Variants in CYTH3 observed in about 807,000 individuals in gnomAD.
CYTH3 encodes the protein cytohesin-3.
In CYTH3, 23 loss-of-function variants were observed where a neutral mutation model predicts 55.1. The ratio of observed to expected loss-of-function variants is 0.42; its 90% confidence interval spans 0.30 to 0.59. The LOEUF (loss-of-function observed/expected upper bound fraction) is 0.59, where lower values mean the gene tolerates loss of function less well. CYTH3 is among the 20% of genes least tolerant of loss of function. CYTH3 has a pLI of 0.20. For synonymous variants in CYTH3, 249 were observed against 194.9 expected, an observed-to-expected ratio of 1.28 and a Z score of -2.31; for missense variants, 413 against 524.8, an observed-to-expected ratio of 0.79 and a Z score of 2.08.
intron 1 of CYTH3, among the ~76,000 whole-genome samples, chr7:6,261,542 C>A (rs1020049710): frequency 6.6e-6 from 1 of 151,890 alleles, no homozygotes; most frequent in African/African-American, 2.4e-5. Context: ...TAGTGGGACC[C>A]TGGCTCTACA....
chr7:6,208,548 CT>C (rs11302819), intron 1 of CYTH3, among the ~76,000 whole-genome samples: 25,750 of 151,936 alleles, frequency 0.17, 5,425 homozygotes, highest in African/African-American at 0.5. Flanking sequence ...ATTTTCTTTT[CT>C]TTTTTTTGAG....
intron 1 of CYTH3, among the ~76,000 whole-genome samples, chr7:6,230,796 G>A (rs73675894): frequency 3.9e-5 from 6 of 152,220 alleles, no homozygotes; most frequent in Middle Eastern, 6.8e-3. Context: ...ATAAAATCCC[G>A]TATTTTGAAA....
chr7:6,195,989 G>C (rs1783915966), intron 1 of CYTH3, among the ~76,000 whole-genome samples: 2 of 152,284 alleles, frequency 1.3e-5, no homozygotes, highest in South Asian at 2.1e-4. Context: ...GATGTCATCG[G>C]TAACCCAGTC....
At chr7:6,228,530 G>A (rs1779306870) in intron 1 of CYTH3, among the ~76,000 whole-genome samples, 3 of 152,122 alleles carry the variant, frequency 2.0e-5, no homozygotes, top group Admixed American at 2.0e-4. Flanking sequence ...ATCCAGGCTG[G>A]AAGCAAAGAA....
chr7:6,171,420 G>C lies in CYTH3; in HGVS notation c.450-106C>G. Reference sequence around the variant, plus strand: ...GGAAGGACGTTTTCCTCCCGAGCCTGGGGTACAGCTCTGGCAGGGGCTTGG... The same window carrying C: ...GGAAGGACGTTTTCCTCCCGAGCCTCGGGTACAGCTCTGGCAGGGGCTTGG... On this transcript the variant is annotated intron_variant, in intron 6 of 12. Transcript: ENST00000350796. This position sits in a 1 kb window ranked among gnomAD's most constrained non-coding sequence, Gnocchi z 6.7. The C allele has an allele frequency of 1.0e-6, 1 of 975,752 alleles. No individual in the cohort carries two copies. Among genetic ancestry groups the C allele is most frequent in the Non-Finnish European group, 1.6e-6 (1 of 635,104 alleles). The allele number at this position is 975,752 out of a possible 1,614,324, so 60.4% of individuals were successfully genotyped here.
intron 1 of CYTH3, among the ~76,000 whole-genome samples, chr7:6,192,067 C>T (rs1783815138): frequency 6.6e-6 from 1 of 152,002 alleles, no homozygotes; most frequent in Non-Finnish European, 1.5e-5. Context: ...CACTGCACTC[C>T]AGTCTGGGCA....
chr7:6,263,122 C>T (rs1426106790), intron 1 of CYTH3, among the ~76,000 whole-genome samples: 1 of 152,170 alleles, frequency 6.6e-6, no homozygotes, highest in African/African-American at 2.4e-5. Context: ...AAAATACATT[C>T]CATCCCATAA....
At position 6,167,783 on chromosome 7, in the gene CYTH3, C is replaced by T. The variant is rs970476682; in HGVS notation, c.824-1973G>A. Among the ~76,000 whole-genome samples the T allele has an allele frequency of 7.2e-5, 11 of 152,258 alleles. No homozygotes were observed. Among genetic ancestry groups the T allele is most frequent in the African/African-American group, 1.7e-4 (7 of 41,470 alleles). On this transcript the variant is annotated intron_variant, in intron 9 of 12. Coordinates refer to ENST00000350796, the MANE Select transcript of CYTH3 (RefSeq NM_004227.4). The surrounding 1 kb of genome is among the most constrained non-coding windows in gnomAD (Gnocchi z 5.5). ...GTCCAGCGCCTGCTCTCTTCCTCCA[C>T]GCTCCCAGCATGGTGGACAGCAAAG...
chr7:6,197,405 G>A (rs971424977), intron 1 of CYTH3, among the ~76,000 whole-genome samples: 1 of 152,192 alleles, frequency 6.6e-6, no homozygotes, highest in South Asian at 2.1e-4. Flanking sequence ...AATTGAGGCT[G>A]AGCACAGTGG....
At position 6,203,713 on chromosome 7, in the gene CYTH3, C is replaced by A. The variant is rs74302796; in HGVS notation, c.35-13182G>T. Among the ~76,000 whole-genome samples the A allele has an allele frequency of 5.4e-3, 818 of 151,996 alleles. 41 individuals are homozygous for A. The East Asian group carries it at 0.11, about 21-fold the overall frequency. On this transcript the variant is annotated intron_variant, in intron 1 of 12. Transcript: ENST00000350796. ...AATACCTTGACCAACTTACTGTACTCATATTCCACCTTTTTTTTTTTTGGA... is the reference window on the plus strand; with the variant it reads ...AATACCTTGACCAACTTACTGTACTAATATTCCACCTTTTTTTTTTTTGGA...
At chr7:6,216,623 C>T (rs1040066074) in intron 1 of CYTH3, among the ~76,000 whole-genome samples, 7 of 151,656 alleles carry the variant, frequency 4.6e-5, no homozygotes, top group Admixed American at 4.6e-4. Flanking sequence ...CACCTATGGT[C>T]CCAGCTACAC....
rs775083358 is a variant in CYTH3, at chr7:6,171,024, AC to A, written c.563-47del. ...TGGGCTCAGCCAGAACCTCCAGTGG[AC>A]AGTGGGACCCCGCGTGCTGGGGGCC... On this transcript the variant is annotated intron_variant, in intron 7 of 12. Coordinates refer to ENST00000350796, the MANE Select transcript of CYTH3 (RefSeq NM_004227.4). This position sits in a 1 kb window ranked among gnomAD's most constrained non-coding sequence, Gnocchi z 6.7. The A allele has an allele frequency of 6.2e-7, 1 of 1,610,622 alleles. No individual in the cohort carries two copies. The highest frequency in any genetic ancestry group is 8.5e-7 in the Non-Finnish European group (1 of 1,178,652).
Position 6,165,340 on chromosome 7 carries a change from T to G in CYTH3, c.1060A>C (p.Asn354His), listed in dbSNP as rs1431386074. 1 of 1,614,024 alleles carries G rather than the reference T, an allele frequency of 6.2e-7. No homozygotes were observed. The highest frequency in any genetic ancestry group is 8.5e-7 in the Non-Finnish European group (1 of 1,180,048). Residue 354 changes from asparagine (N) to histidine (H), a missense_variant, in exon 12 of 13, where the codon AAC becomes CAC. Physicochemically the swap from Asn to His is moderately conservative, Grantham distance 68. Coordinates refer to ENST00000350796, the MANE Select transcript of CYTH3 (RefSeq NM_004227.4). ...GCTGAGATCCGGTACACCACATGGTTCCCCTCTACCACGCGGCCGTCGGCC... is the reference window on the plus strand; with the variant it reads ...GCTGAGATCCGGTACACCACATGGTGCCCCTCTACCACGCGGCCGTCGGCC... ...TEADGRVVEG[N>H]HVVYRISAPS...
chr7:6,213,515 G>A (rs1784365122), intron 1 of CYTH3, among the ~76,000 whole-genome samples: 1 of 152,000 alleles, frequency 6.6e-6, no homozygotes, highest in Admixed American at 6.6e-5. Context: ...CTCAATCCCA[G>A]TAAAGTGTCC....
chr7:6,171,718 G>A lies in CYTH3; in HGVS notation c.450-404C>T, dbSNP rs1783202247. 4.3e-6 allele frequency: 1 copy of A among 233,542 alleles called. No homozygotes were observed. The highest frequency in any genetic ancestry group is 8.8e-6 in the Non-Finnish European group (1 of 113,052). 14.5% of individuals were successfully genotyped at this position (233,542 alleles called of 1,614,324 possible). A position where few individuals can be genotyped will look rare whatever the true frequency, so the allele number is the denominator to read the frequency against. ...TCAGAACTCCCACACATAAGGCAGAGCCATAGCCCACAGGACGGTATCCAA... is the reference window on the plus strand; with the variant it reads ...TCAGAACTCCCACACATAAGGCAGAACCATAGCCCACAGGACGGTATCCAA... On this transcript the variant is annotated intron_variant, in intron 6 of 12. Transcript: ENST00000350796. This position sits in a 1 kb window ranked among gnomAD's most constrained non-coding sequence, Gnocchi z 6.7.
chr7:6,175,531 C>T (rs1296075638), intron 5 of CYTH3, among the ~76,000 whole-genome samples: 1 of 139,994 alleles, frequency 7.1e-6, no homozygotes, highest in Non-Finnish European at 1.5e-5. Context: ...AATGTCTTGA[C>T]TATACACTTT....
chr7:6,224,592 AC>A (rs1449868060), intron 1 of CYTH3, among the ~76,000 whole-genome samples: 1 of 152,188 alleles, frequency 6.6e-6, no homozygotes, highest in African/African-American at 2.4e-5. Flanking sequence ...AGGAAATTTA[AC>A]CATCATACAT....
intron 5 of CYTH3, among the ~76,000 whole-genome samples, chr7:6,177,243 A>G (rs1323493206): frequency 6.6e-6 from 1 of 152,234 alleles, no homozygotes; most frequent in African/African-American, 2.4e-5. Context: ...GCTAAAAACC[A>G]AAACCGCCCA....
intron 1 of CYTH3, among the ~76,000 whole-genome samples, chr7:6,259,833 T>TG (rs57061102): frequency 1.3e-4 from 2 of 15,612 alleles, no homozygotes; most frequent in East Asian, 4.3e-3. Context: ...TATATATATA[T>TG]TTTTTTTTTT....
Sources: gnomAD v4.1 joint callset for allele counts (sites outside exome capture counted in the v4.1 genomes callset) on GRCh38, gnomAD v4.1.1 for gene constraint, Gnocchi (gnomAD v3.1) non-coding constraint, MANE v1.5 for transcripts, NCBI Gene and HGNC (gene_info 2026-07-23, HGNC 2026-07-21) for gene names.